SKA2: variants seen among roughly 807,000 people sequenced by gnomAD.
The protein encoded by SKA2 is spindle and kinetochore-associated protein 2.
Under a neutral mutation model 16.9 loss-of-function variants are expected in SKA2, and 13 were observed. The ratio of observed to expected loss-of-function variants is 0.77; its 90% confidence interval spans 0.50 to 1.22. SKA2 has a LOEUF of 1.22. Among genes scored for constraint, SKA2 ranks in the 50% most tolerant of loss-of-function variants. SKA2 has a pLI of 0.00. For synonymous variants in SKA2, 47 were observed against 48.5 expected (o/e 0.97, Z 0.13); for missense variants, 107 against 139.7 (o/e 0.77, Z 1.18).
Position 59,110,982 on chromosome 17 carries a change from A to T in SKA2, c.*1295T>A, listed in dbSNP as rs770727956. On this transcript the variant is annotated 3_prime_UTR_variant, in exon 4 of 4. Coordinates refer to ENST00000330137, the MANE Select transcript of SKA2 (RefSeq NM_182620.4). ...CTATAACCTGCAGAACTAACATTTG[A>T]TGCATTTTTCCTAGTCCTTTCAATG... is the stretch of plus-strand genomic sequence containing the variant. 1.3e-5 allele frequency: 2 copies of T among 152,184 alleles called. No individual in the cohort carries two copies. Among genetic ancestry groups the T allele is most frequent in the Non-Finnish European group, 2.9e-5 (2 of 68,036 alleles). 9.4% of individuals were successfully genotyped at this position (152,184 alleles called of 1,614,324 possible).
At chr17:59,116,450 A>G (rs754523530) in intron 3 of SKA2, among the ~76,000 whole-genome samples, 7 of 152,174 alleles carry the variant, frequency 4.6e-5, no homozygotes, top group Non-Finnish European at 8.8e-5. Flanking sequence ...TCTTTTGTCA[A>G]TGTCTTAACA....
In SKA2 at chr17:59,141,649, G is replaced by A. The variant is rs115028388; in HGVS notation, c.34-10282C>T. Among the ~76,000 whole-genome samples, 999 of 151,396 alleles carry A rather than the reference G, an allele frequency of 6.6e-3. 6 individuals carry two copies. The highest frequency in any genetic ancestry group is 0.023 in the African/African-American group (935 of 41,206). Reference sequence around the variant, plus strand: ...AGGAGGCTGAAATAGGCTTGAGCCCGGGAGGTCCAGGCTGGATTGAGTGGT... The same window carrying A: ...AGGAGGCTGAAATAGGCTTGAGCCCAGGAGGTCCAGGCTGGATTGAGTGGT... On this transcript the variant is annotated intron_variant, in intron 1 of 3. Coordinates refer to ENST00000330137, the MANE Select transcript of SKA2 (RefSeq NM_182620.4).
At chr17:59,135,811 ATATT>A (rs1470949835) in intron 1 of SKA2, among the ~76,000 whole-genome samples, 2 of 148,220 alleles carry the variant, frequency 1.3e-5, no homozygotes, top group African/African-American at 4.9e-5. Context: ...TTTATATTGC[ATATT>A]TAATTTTATA....
chr17:59,118,621 T>C (rs1207791467), intron 3 of SKA2, among the ~76,000 whole-genome samples: 1 of 152,230 alleles, frequency 6.6e-6, no homozygotes, highest in Non-Finnish European at 1.5e-5. Flanking sequence ...TACTAGCATG[T>C]GACACAACCC....
At chr17:59,120,943 G>A (rs1223174620) in intron 2 of SKA2, among the ~76,000 whole-genome samples, 6 of 151,796 alleles carry the variant, frequency 4.0e-5, no homozygotes, top group Non-Finnish European at 8.8e-5. Context: ...ATGAGGTCAG[G>A]AAATCGAGAC....
chr17:59,128,991 G>A (rs1283356111), intron 2 of SKA2, among the ~76,000 whole-genome samples: 3 of 152,142 alleles, frequency 2.0e-5, no homozygotes, highest in Non-Finnish European at 4.4e-5. Context: ...ACAAAGATGA[G>A]AGATGGAAGT....
chr17:59,128,130 G>T (rs1343646820), intron 2 of SKA2, among the ~76,000 whole-genome samples: 2 of 151,766 alleles, frequency 1.3e-5, no homozygotes, highest in South Asian at 2.1e-4. Context: ...CAGGAGAATC[G>T]CTTGAACCCA....
Position 59,110,957 on chromosome 17 carries a change from C to A in SKA2, c.*1320G>T, listed in dbSNP as rs1325575473. The stretch of plus-strand genomic sequence containing the variant: ...TTTAAAATTACATAAAAGTATAATT[C>A]TATAACCTGCAGAACTAACATTTGA... On this transcript the variant is annotated 3_prime_UTR_variant, in exon 4 of 4. Transcript: ENST00000330137. The A allele has an allele frequency of 6.6e-6, 1 of 152,096 alleles. No homozygotes were observed. The highest frequency in any genetic ancestry group is 2.4e-5 in the African/African-American group (1 of 41,410). The allele number at this position is 152,096 out of a possible 1,614,324, so 9.4% of individuals were successfully genotyped here. A position where few individuals can be genotyped will look rare whatever the true frequency, so the allele number is the denominator to read the frequency against.
chr17:59,145,311 C>T (rs2046523712), intron 1 of SKA2, among the ~76,000 whole-genome samples: 1 of 152,170 alleles, frequency 6.6e-6, no homozygotes, highest in South Asian at 2.1e-4. Flanking sequence ...ATTGATCTTA[C>T]TTTCTCAATA....
At chr17:59,125,810 A>G (rs1277828953) in intron 2 of SKA2, among the ~76,000 whole-genome samples, 1 of 152,202 alleles carries the variant, frequency 6.6e-6, no homozygotes, top group East Asian at 1.9e-4. Context: ...CTTTTGAAAG[A>G]AACAAAAGGA....
At chr17:59,114,217 G>C (rs1338569003) in intron 3 of SKA2, among the ~76,000 whole-genome samples, 1 of 152,156 alleles carries the variant, frequency 6.6e-6, no homozygotes, top group Non-Finnish European at 1.5e-5. Flanking sequence ...ATGCACCCCT[G>C]GAGCTGAGGA....
At chr17:59,113,437 C>A (rs902252118) in intron 3 of SKA2, among the ~76,000 whole-genome samples, 1 of 151,504 alleles carries the variant, frequency 6.6e-6, no homozygotes, top group African/African-American at 2.4e-5. Context: ...TTGGGAGAAT[C>A]CCTCGAACCT....
At chr17:59,134,202 TGAG>T (rs1346967229) in intron 1 of SKA2, among the ~76,000 whole-genome samples, 2 of 152,138 alleles carry the variant, frequency 1.3e-5, no homozygotes, top group East Asian at 1.9e-4. Context: ...ATGGAGAGAA[TGAG>T]GAGAGACCAG....
chr17:59,138,938 A>C (rs1057228890), intron 1 of SKA2, among the ~76,000 whole-genome samples: 9 of 152,222 alleles, frequency 5.9e-5, no homozygotes, highest in African/African-American at 2.2e-4. Context: ...CCTACAAAGG[A>C]CCAGTGCCCT....
At chr17:59,136,053 T>C (rs559349545) in intron 1 of SKA2, among the ~76,000 whole-genome samples, 9 of 149,654 alleles carry the variant, frequency 6.0e-5, no homozygotes, top group Admixed American at 5.3e-4. Context: ...TGAGACCCCA[T>C]CTCCAAAAGG....
intron 3 of SKA2, among the ~76,000 whole-genome samples, chr17:59,118,743 G>A (rs376441474): frequency 2.6e-5 from 4 of 151,804 alleles, no homozygotes; most frequent in Non-Finnish European, 4.4e-5. Context: ...TCATTTTATC[G>A]TTCTAAGCAG....
intron 1 of SKA2, among the ~76,000 whole-genome samples, chr17:59,147,924 C>T (rs2046546463): frequency 6.6e-6 from 1 of 151,842 alleles, no homozygotes; most frequent in Non-Finnish European, 1.5e-5. Context: ...CTCACTGCAA[C>T]TTCTGCCTCC....
At chr17:59,135,479 C>T (rs1273014631) in intron 1 of SKA2, among the ~76,000 whole-genome samples, 1 of 151,762 alleles carries the variant, frequency 6.6e-6, no homozygotes, top group Non-Finnish European at 1.5e-5. Context: ...CCACACCCAG[C>T]TAATTTTTAC....
chr17:59,149,864 A>T (rs2046563777), intron 1 of SKA2, among the ~76,000 whole-genome samples: 1 of 152,172 alleles, frequency 6.6e-6, no homozygotes, highest in Non-Finnish European at 1.5e-5. Flanking sequence ...GTTGCCAGGG[A>T]CTTGGGGAAG....
Sources: gnomAD v4.1 joint callset for allele counts (sites outside exome capture counted in the v4.1 genomes callset) on GRCh38, gnomAD v4.1.1 for gene constraint, MANE v1.5 for transcripts, NCBI Gene and HGNC (gene_info 2026-07-23, HGNC 2026-07-21) for gene names.